The following ZNF529 variants were observed in gnomAD, a reference collection of about 807,000 sequenced individuals.
The protein encoded by ZNF529 is zinc finger protein 529.
In ZNF529, 11 loss-of-function variants were observed where a neutral mutation model predicts 10.1. The ratio of observed to expected loss-of-function variants is 1.09; its 90% CI spans 0.69 to 1.81. The LOEUF (loss-of-function observed/expected upper bound fraction) is 1.81. Ranked by LOEUF, ZNF529 falls within the 40% of genes most tolerant of loss-of-function variation. The pLI is 0.00. For missense variants in ZNF529, 624 were observed against 666.8 expected (o/e 0.94, Z 0.71); for synonymous variants, 204 against 215.7 (o/e 0.95, Z 0.47).
rs190109696 is a variant in ZNF529 at position 36,562,697 on chromosome 19, C to T, written c.15-6500G>A. Among the ~76,000 whole-genome samples, 204 of 151,766 alleles carry T rather than the reference C, an allele frequency of 1.3e-3. 1 individual carries two copies. The highest frequency in any genetic ancestry group is 3.7e-3 in the Admixed American group (56 of 15,254). On this transcript the variant is annotated intron_variant, in intron 2 of 4. Coordinates refer to ENST00000591340, the MANE Select transcript of ZNF529 (RefSeq NM_020951.5). ...AAAAAACTACAAAAAAATAGCCGGG[C>T]GTGGTGGCAGGTGCCTGTAGTCCCA...
At chr19:36,587,128 G>C (rs957237819) in intron 2 of ZNF529, among the ~76,000 whole-genome samples, 1 of 152,108 alleles carries the variant, frequency 6.6e-6, no homozygotes, top group Non-Finnish European at 1.5e-5. Context: ...AGCCAGGCGT[G>C]GTGGCGAGCA....
intron 2 of ZNF529, among the ~76,000 whole-genome samples, chr19:36,588,325 G>A (rs1354002138): frequency 6.6e-6 from 1 of 152,172 alleles, no homozygotes; most frequent in Non-Finnish European, 1.5e-5. Flanking sequence ...GTGGTTTAAT[G>A]AAATTCCGTG....
chr19:36,556,242 TG>T (rs1568584202), intron 2 of ZNF529, 45 bp from the exon 3 acceptor site: 4 of 770,104 alleles, frequency 5.2e-6, no homozygotes, highest in Non-Finnish European at 9.2e-6. Context: ...TAAAAGTCTC[TG>T]GAAATGGTGC....
upstream of ZNF529, chr19:36,573,585 C>T (rs939527730): frequency 2.3e-6 from 1 of 431,394 alleles, no homozygotes; most frequent in Non-Finnish European, 4.9e-6. Context: ...GAACAGGAAG[C>T]TGGGGCGAGG....
At chr19:36,574,652 A>C (rs2036269217), upstream of ZNF529, among the ~76,000 whole-genome samples, 2 of 152,090 alleles carry the variant, frequency 1.3e-5, no homozygotes, top group South Asian at 4.1e-4. Flanking sequence ...GATTTGTGTC[A>C]CTGTAACTGT....
At chr19:36,574,050 A>G (rs946499898), upstream of ZNF529, among the ~76,000 whole-genome samples, 1 of 152,236 alleles carries the variant, frequency 6.6e-6, no homozygotes, top group Admixed American at 6.5e-5. Context: ...CTCAGACTCT[A>G]AAGTATTTGA....
chr19:36,589,992 T>C (rs1475796666), intron 1 of ZNF529, among the ~76,000 whole-genome samples: 1 of 152,166 alleles, frequency 6.6e-6, no homozygotes, highest in Non-Finnish European at 1.5e-5. Context: ...TAAACACACT[T>C]CTATATAATC....
chr19:36,595,123 C>T (rs921132373), intron 1 of ZNF529, among the ~76,000 whole-genome samples: 5 of 152,108 alleles, frequency 3.3e-5, no homozygotes, highest in Admixed American at 6.6e-5. Context: ...GTGATCCACG[C>T]GCCTTGGCCT....
chr19:36,582,216 G>A (rs1568612189), intron 2 of ZNF529: 1 of 152,140 alleles, frequency 6.6e-6, no homozygotes, highest in Admixed American at 6.5e-5. Flanking sequence ...TTTACAGGAT[G>A]AAAAAGTTGT....
intron 4 of ZNF529, among the ~76,000 whole-genome samples, chr19:36,551,167 T>C (rs950975026): frequency 6.6e-6 from 1 of 152,172 alleles, no homozygotes; most frequent in African/African-American, 2.4e-5. Context: ...GGAGCTAAAG[T>C]GCCACCATTT....
chr19:36,561,501 G>A (rs1266016197), intron 2 of ZNF529, among the ~76,000 whole-genome samples: 1 of 151,440 alleles, frequency 6.6e-6, no homozygotes. Flanking sequence ...TTTTGTCTCA[G>A]CCTCCCAAAT....
intron 1 of ZNF529, among the ~76,000 whole-genome samples, chr19:36,600,558 A>T (rs1051598969): frequency 1.3e-5 from 2 of 152,184 alleles, no homozygotes; most frequent in Non-Finnish European, 2.9e-5. Context: ...TAATATTTAC[A>T]TAATACAGGA....
Position 36,547,526 on chromosome 19 carries a change from C to G in ZNF529, c.1032G>C (p.Glu344Asp), listed in dbSNP as rs368713736. The G allele has an allele frequency of 8.1e-6, 13 of 1,613,212 alleles. No individual in the cohort carries two copies. The highest frequency in any genetic ancestry group is 1.1e-5 in the Non-Finnish European group (13 of 1,179,350). The change falls in exon 5 of 5, where the codon GAG becomes GAC. Residue 344 changes from glutamate to aspartate, a missense_variant. Physicochemically the swap from Glu to Asp is conservative, Grantham distance 45 (BLOSUM62 2). Coordinates refer to ENST00000591340, the MANE Select transcript of ZNF529 (RefSeq NM_020951.5). ...GCTGTGAACTAATTCTAAAAACCTT[C>G]TCACAGTGCATACATTTGTAGGGTT... ...GEKPYKCMHC[E>D]KVFRISSQLI...
chr19:36,577,131 T>G (rs1254232072), upstream of ZNF529: 3 of 451,850 alleles, frequency 6.6e-6, no homozygotes, highest in Non-Finnish European at 1.3e-5. Context: ...TTTTGTATTT[T>G]GTATTTTAGG....
At chr19:36,555,676 C>T (rs1179266900) in intron 3 of ZNF529, among the ~76,000 whole-genome samples, 2 of 152,220 alleles carry the variant, frequency 1.3e-5, no homozygotes, top group South Asian at 2.1e-4. Flanking sequence ...TAATTATATT[C>T]CAACGTTTAG....
chr19:36,553,116 G>A (rs144176537), intron 4 of ZNF529, among the ~76,000 whole-genome samples: 56 of 152,228 alleles, frequency 3.7e-4, no homozygotes, highest in African/African-American at 1.3e-3. Context: ...CAGAGTTATT[G>A]TAAGAATTAA....
intron 2 of ZNF529, chr19:36,587,303 A>C (rs1353760931): frequency 6.6e-6 from 1 of 152,076 alleles, no homozygotes; most frequent in Non-Finnish European, 1.5e-5. Flanking sequence ...GGAAATGCAC[A>C]ACAAAACAAT....
intron 4 of ZNF529, among the ~76,000 whole-genome samples, chr19:36,550,131 G>C (rs2035204083): frequency 6.6e-6 from 1 of 152,192 alleles, no homozygotes; most frequent in East Asian, 1.9e-4. Flanking sequence ...AATTTTCTGT[G>C]ACTTAATTAT....
Position 36,547,227 on chromosome 19 carries a change from T to C in ZNF529, c.1331A>G (p.His444Arg), listed in dbSNP as rs1489801884. 1.2e-6 allele frequency: 2 copies of C among 1,613,694 alleles called. No homozygotes were observed. Among genetic ancestry groups the C allele is most frequent in the East Asian group, 4.5e-5 (2 of 44,864 alleles). ...ACATTCATAAGGTTTTTGACCACTG[T>C]GAATTCTTTCATGTCGAGTAAGTTC... is the stretch of plus-strand genomic sequence containing the variant. ...GSELTRHERI[H>R]SGQKPYECKE... Residue 444 changes from histidine (H) to arginine (R), a missense_variant, in exon 5 of 5, where the codon CAC becomes CGC. His to Arg is a conservative substitution (Grantham distance 29, BLOSUM62 0). Coordinates refer to ENST00000591340, the MANE Select transcript of ZNF529 (RefSeq NM_020951.5).
Sources: allele counts gnomAD v4.1 joint callset (sites outside exome capture counted in the v4.1 genomes callset), GRCh38; gene constraint gnomAD v4.1.1; transcripts MANE v1.5; gene names NCBI Gene and HGNC (gene_info 2026-07-23, HGNC 2026-07-21).